Variants in CELF2 observed in about 807,000 individuals in gnomAD.
CELF2 encodes the protein CUGBP Elav-like family member 2.
Under a neutral mutation model 62.6 loss-of-function variants are expected in CELF2, and 8 were observed. That is an observed-to-expected ratio of 0.13 (90% CI 0.07 to 0.23). The LOEUF (loss-of-function observed/expected upper bound fraction) is 0.23, where lower values mean the gene tolerates loss of function less well. CELF2 is among the 10% of genes least tolerant of loss of function. The pLI, the probability that CELF2 is intolerant of heterozygous loss-of-function variation, is 1.00. For missense variants in CELF2, 333 were observed against 671.0 expected (o/e 0.50, Z 5.56); for synonymous variants, 258 against 250.0 (o/e 1.03, Z -0.30).
At chr10:11,049,893 G>C (rs11256958) in intron 1 of CELF2, among the ~76,000 whole-genome samples, 59,348 of 152,068 alleles carry the variant, frequency 0.39, 12,010 homozygotes, top group East Asian at 0.68. Context: ...CCACTGCGGA[G>C]GACTGGCAGT....
intron 1 of CELF2, among the ~76,000 whole-genome samples, chr10:10,889,397 CTGA>C (rs1227520577): frequency 1.3e-5 from 2 of 152,184 alleles, no homozygotes; most frequent in African/African-American, 2.4e-5. Flanking sequence ...GATAAATAGG[CTGA>C]TGTTTATCAC....
intron 1 of CELF2, among the ~76,000 whole-genome samples, chr10:10,846,666 C>T (rs1347588564): frequency 6.6e-6 from 1 of 152,182 alleles, no homozygotes; most frequent in Non-Finnish European, 1.5e-5. Flanking sequence ...TGGCTCAGAT[C>T]TGTAAGGGAT....
rs188957291 is a variant in CELF2, at chr10:10,892,089, C to T, written c.54-27875C>T. Among the ~76,000 whole-genome samples, 214 of 152,160 alleles carry T rather than the reference C, an allele frequency of 1.4e-3. 1 individual carries two copies. The highest frequency in any genetic ancestry group is 5.6e-3 in the East Asian group (29 of 5,186). On this transcript the variant is annotated intron_variant, in intron 1 of 13. Coordinates refer to the CELF2 transcript ENST00000636488. ...AAAAAAACCTTTATTTAATTAGAGC[C>T]CAAATAAATAGAAACTCTTGTTTCA...
chr10:10,992,655 G>A (rs777979588), intron 2 of CELF2, among the ~76,000 whole-genome samples: 5 of 152,172 alleles, frequency 3.3e-5, no homozygotes, highest in Non-Finnish European at 7.3e-5. Flanking sequence ...TTAGGGTTCA[G>A]CCAAAGAAAC....
At chr10:10,497,888 C>T in the CELF2 span, among the ~76,000 whole-genome samples, 19 of 152,286 alleles carry the variant, frequency 1.2e-4, no homozygotes, top group African/African-American at 4.6e-4. Flanking sequence ...AACATCTTCA[C>T]TCTGGATTTT....
chr10:11,160,645 CA>C (rs35755036), intron 1 of CELF2, among the ~76,000 whole-genome samples: 43,166 of 96,650 alleles, frequency 0.45, 6,864 homozygotes, highest in East Asian at 0.73. Flanking sequence ...TCCCAAGGAT[CA>C]AAAAAAAAAA....
At chr10:10,988,430 C>T (rs983375964) in intron 2 of CELF2, among the ~76,000 whole-genome samples, 2 of 151,956 alleles carry the variant, frequency 1.3e-5, no homozygotes, top group Non-Finnish European at 2.9e-5. Flanking sequence ...AACCAAATAT[C>T]GTACGTTCTC....
the CELF2 span, among the ~76,000 whole-genome samples, chr10:10,753,711 C>G: frequency 6.6e-6 from 1 of 152,166 alleles, no homozygotes; most frequent in South Asian, 2.1e-4. Flanking sequence ...CAGTAAAATT[C>G]TTCCTAATTT....
chr10:10,847,773 C>T (rs1045084755), intron 1 of CELF2, among the ~76,000 whole-genome samples: 1 of 152,156 alleles, frequency 6.6e-6, no homozygotes, highest in African/African-American at 2.4e-5. Context: ...TTCATTTGGT[C>T]TGAGATGAGG....
the CELF2 span, among the ~76,000 whole-genome samples, chr10:10,501,453 G>T: frequency 6.6e-6 from 1 of 151,682 alleles, no homozygotes; most frequent in African/African-American, 2.4e-5. Context: ...ATTAGATTTT[G>T]TTTTTTTGTA....
intron 1 of CELF2, among the ~76,000 whole-genome samples, chr10:11,025,471 A>G (rs759050889): frequency 3.5e-4 from 53 of 152,006 alleles, no homozygotes; most frequent in Non-Finnish European, 6.9e-4. Flanking sequence ...CCCTTCGTTC[A>G]ACGCTTTCCC....
intron 3 of CELF2, among the ~76,000 whole-genome samples, chr10:11,229,787 G>C (rs1466581962): frequency 6.6e-6 from 1 of 152,034 alleles, no homozygotes; most frequent in African/African-American, 2.4e-5. Context: ...ACAGGGTTTT[G>C]CCATGTTAGC....
At chr10:10,872,555 G>A (rs545205574) in intron 1 of CELF2, among the ~76,000 whole-genome samples, 29 of 152,144 alleles carry the variant, frequency 1.9e-4, no homozygotes, top group African/African-American at 6.7e-4. Context: ...TAAAAGCTTG[G>A]AGAAAACCAG....
intron 2 of CELF2, among the ~76,000 whole-genome samples, chr10:11,197,355 T>TA (rs2058232543): frequency 6.6e-6 from 1 of 152,172 alleles, no homozygotes; most frequent in Non-Finnish European, 1.5e-5. Flanking sequence ...TTCATATGGG[T>TA]AAAAAAGGTT....
chr10:10,494,502 G>A, the CELF2 span, among the ~76,000 whole-genome samples: 7,204 of 152,190 alleles, frequency 0.047, 261 homozygotes, highest in East Asian at 0.13. Context: ...TTTTACATAC[G>A]GGAAGAACAA....
chr10:11,065,512 T>C (rs1371645338), intron 1 of CELF2, among the ~76,000 whole-genome samples: 2 of 152,150 alleles, frequency 1.3e-5, no homozygotes, highest in Admixed American at 1.3e-4. Flanking sequence ...TCTTGGATCA[T>C]TGGAATCATA....
At chr10:10,832,204 G>T (rs1262336038) in intron 1 of CELF2, among the ~76,000 whole-genome samples, 2 of 151,740 alleles carry the variant, frequency 1.3e-5, no homozygotes, top group Non-Finnish European at 2.9e-5. Flanking sequence ...GGAGGCGGAG[G>T]TTCCAGTGAG....
chr10:10,637,292 A>ATTCAGTTCCTGG, the CELF2 span, among the ~76,000 whole-genome samples: 2 of 152,236 alleles, frequency 1.3e-5, no homozygotes, highest in Non-Finnish European at 2.9e-5. Flanking sequence ...TCCCAGGAAC[A>ATTCAGTTCCTGG]GAGACATTCA....
intron 1 of CELF2, among the ~76,000 whole-genome samples, chr10:10,844,034 C>T (rs986459974): frequency 6.6e-6 from 1 of 151,894 alleles, no homozygotes; most frequent in Non-Finnish European, 1.5e-5. Flanking sequence ...GGGAATCTGT[C>T]CTACCTCGGG....
Sources: allele counts gnomAD v4.1 joint callset (sites outside exome capture counted in the v4.1 genomes callset), GRCh38; gene constraint gnomAD v4.1.1; transcripts MANE v1.5; gene names NCBI Gene and HGNC (gene_info 2026-07-23, HGNC 2026-07-21).